PPP1R26: variants seen among roughly 807,000 people sequenced by gnomAD.
PPP1R26 encodes 1A6/DRIM (down-regulated in metastasis) interacting protein.
PPP1R26 carries 22 observed loss-of-function variants against 67.6 expected under a neutral mutation model. The ratio of observed to expected loss-of-function variants is 0.33; its 90% CI spans 0.23 to 0.46. The LOEUF (loss-of-function observed/expected upper bound fraction) is 0.46, where lower values mean the gene tolerates loss of function less well. Among genes scored for constraint, PPP1R26 ranks in the 20% least tolerant of loss-of-function variants. The pLI is 1.00. For missense variants in PPP1R26, 1,602 were observed against 1,651.4 expected (o/e 0.97, Z 0.52); for synonymous variants, 729 against 717.2 (o/e 1.02, Z -0.26).
In PPP1R26 at chr9:135,487,992, C is replaced by G. The variant is rs767681225; in HGVS notation, c.3482C>G (p.Ser1161Trp). 7.5e-6 allele frequency: 12 copies of G among 1,609,996 alleles called. No individual in the cohort carries two copies. Among genetic ancestry groups the G allele is most frequent in the Non-Finnish European group, 1.0e-5 (12 of 1,178,466 alleles). Residue 1161 changes from serine (S) to tryptophan (W), a missense_variant, in exon 4 of 4, where the codon TCG becomes TGG. Physicochemically the swap from Ser to Trp is radical, Grantham distance 177. Transcript: ENST00000356818. Reference protein sequence around the residue: ...AGLSLHDRRSSGSEESILDLR... With the variant: ...AGLSLHDRRSWGSEESILDLR... ...CTGAGTTTGCATGACAGGAGGAGCTCGGGCTCGGAGGAAAGCATTTTAGAC... is the reference window on the plus strand; with the variant it reads ...CTGAGTTTGCATGACAGGAGGAGCTGGGGCTCGGAGGAAAGCATTTTAGAC...
chr9:135,485,976 A>C lies in PPP1R26; in HGVS notation c.1466A>C (p.Asp489Ala). ...AELMCAEAIL[D>A]ISKTILPAPV... ...CTGATGTGTGCAGAAGCAATCCTGG[A>C]CATCTCCAAGACGATCCTGCCGGCC... The change falls in exon 4 of 4, where the codon GAC (aspartate) becomes GCC (alanine). Residue 489 changes from aspartate (D) to alanine (A), a missense_variant. Asp to Ala is a moderately radical substitution (Grantham distance 126). Transcript: ENST00000356818. This position sits in a 1 kb window ranked among gnomAD's most constrained non-coding sequence, Gnocchi z 7.2. The C allele has an allele frequency of 6.2e-7, 1 of 1,613,216 alleles. No homozygotes were observed. The highest frequency in any genetic ancestry group is 8.5e-7 in the Non-Finnish European group (1 of 1,180,004).
rs1336379582 is a variant in PPP1R26 at position 135,485,745 on chromosome 9, A to G, written c.1235A>G (p.Lys412Arg). Residue 412 changes from lysine to arginine, a missense_variant, in exon 4 of 4, where the codon AAA (lysine) becomes AGA (arginine). Transcript: ENST00000356818. This position sits in a 1 kb window ranked among gnomAD's most constrained non-coding sequence, Gnocchi z 7.2. ...GCACACAGCACAAGCAGTGCCACAA[A>G]AAGTGCCTTGCCCGAGACCCACAGG... is the stretch of plus-strand genomic sequence containing the variant. ...PPAHSTSSAT[K>R]SALPETHRKT... 1 of 1,610,802 alleles carries G rather than the reference A, an allele frequency of 6.2e-7. No individual in the cohort carries two copies. The highest frequency in any genetic ancestry group is 8.5e-7 in the Non-Finnish European group (1 of 1,179,978).
chr9:135,487,537 C>G lies in PPP1R26; in HGVS notation c.3027C>G (p.Pro1009=), dbSNP rs773025937. ...GCGGGAGCCCGAGCTTCCTGACCCCCAGCCCGGGAGCGGAGAGGGACGCTG... is the reference window on the plus strand; with the variant it reads ...GCGGGAGCCCGAGCTTCCTGACCCCGAGCCCGGGAGCGGAGAGGGACGCTG... ...MGCGSPSFLT[P]SPGAERDAGA... The change falls in exon 4 of 4, where the codon CCC becomes CCG. Residue 1009 remains proline (P), a synonymous_variant. Coordinates refer to ENST00000356818, the MANE Select transcript of PPP1R26 (RefSeq NM_014811.5). The G allele has an allele frequency of 6.3e-7, 1 of 1,590,318 alleles. No individual in the cohort carries two copies.
rs552881547 is a variant in PPP1R26, at chr9:135,487,712, C to T, written c.3202C>T (p.Arg1068Trp). ...ERDKGSEGPA[R>W]GLPSLPLAGF... ...AGACAAGGGGTCCGAGGGCCCCGCCCGGGGCCTGCCCAGCCTGCCCCTTGC... is the reference window on the plus strand; with the variant it reads ...AGACAAGGGGTCCGAGGGCCCCGCCTGGGGCCTGCCCAGCCTGCCCCTTGC... Residue 1068 changes from arginine to tryptophan, a missense_variant, in exon 4 of 4, where the codon CGG (arginine) becomes TGG (tryptophan). This residue lies in a region of PPP1R26 where 740 missense variants were observed against 696.3 expected (regional missense o/e 1.06). Coordinates refer to ENST00000356818, the MANE Select transcript of PPP1R26 (RefSeq NM_014811.5). 100 of 1,450,852 alleles carry T rather than the reference C, an allele frequency of 6.9e-5. 1 individual carries two copies. The East Asian group carries it at 1.6e-3, about 23-fold the overall frequency. 89.9% of individuals were successfully genotyped at this position (1,450,852 alleles called of 1,614,324 possible).
Position 135,485,005 on chromosome 9 carries a change from C to T in PPP1R26, c.495C>T (p.Ala165=), listed in dbSNP as rs773731543. The change falls in exon 4 of 4, where the codon GCC becomes GCT. Residue 165 remains alanine, a synonymous_variant. Coordinates refer to ENST00000356818, the MANE Select transcript of PPP1R26 (RefSeq NM_014811.5). This position sits in a 1 kb window ranked among gnomAD's most constrained non-coding sequence, Gnocchi z 7.2. The part of the protein sequence containing the change: ...AQPGAAQPSR[A]AGGGSRCKPE... ...CAGGTGCAGCCCAGCCTTCCAGGGC[C>T]GCAGGCGGAGGCAGTAGATGTAAGC... The T allele has an allele frequency of 1.0e-5, 16 of 1,586,040 alleles. No individual in the cohort carries two copies. In the Admixed American group the frequency reaches 1.4e-4, roughly 14 times the overall value.
rs910126651 is a variant in PPP1R26 at position 135,487,626 on chromosome 9, C to T, written c.3116C>T (p.Pro1039Leu). ...DFAHQSRLPS[P>L]WVLRSEGRDA... The stretch of plus-strand genomic sequence containing the variant: ...GCCCACCAGAGTCGGCTGCCCAGCC[C>T]GTGGGTGCTGCGCTCCGAAGGCAGA... The change falls in exon 4 of 4, where the codon CCG (proline) becomes CTG (leucine). Residue 1039 changes from proline to leucine, a missense_variant. By Grantham distance (98) the Pro-to-Leu change is moderately conservative. Transcript: ENST00000356818. 6.7e-6 allele frequency: 10 copies of T among 1,482,496 alleles called. No individual in the cohort carries two copies. Among genetic ancestry groups the T allele is most frequent in the African/African-American group, 5.6e-5 (4 of 71,140 alleles). 91.8% of individuals were successfully genotyped at this position (1,482,496 alleles called of 1,614,324 possible). A position where few individuals can be genotyped will look rare whatever the true frequency, so the allele number is the denominator to read the frequency against.
rs1422633524 is a variant in PPP1R26, at chr9:135,484,694, G to A, written c.184G>A (p.Gly62Ser). The part of the protein sequence containing the change: ...STLQRDGAAR[G>S]TSDERAAQRG... ...TCTGCAGCGCGACGGGGCTGCTCGG[G>A]GCACCAGCGATGAGCGCGCCGCACA... The change falls in exon 4 of 4, where the codon GGC becomes AGC. Residue 62 changes from glycine to serine, a missense_variant. Gly to Ser is a moderately conservative substitution (Grantham distance 56). Around this residue, in one of 5 missense-constraint regions of PPP1R26, gnomAD observed 168 missense variants for 176.1 expected, o/e 0.95. Coordinates refer to ENST00000356818, the MANE Select transcript of PPP1R26 (RefSeq NM_014811.5). 4 of 1,610,082 alleles carry A rather than the reference G, an allele frequency of 2.5e-6. No individual in the cohort carries two copies. In the African/African-American group the frequency reaches 4.0e-5, roughly 16 times the overall value.
In PPP1R26 at chr9:135,488,257, G is replaced by A. The variant is rs1361154242; in HGVS notation, c.*117G>A. 1 of 1,326,360 alleles carries A rather than the reference G, an allele frequency of 7.5e-7. No homozygotes were observed. The highest frequency in any genetic ancestry group is 9.7e-7 in the Non-Finnish European group (1 of 1,031,170). 82.2% of individuals were successfully genotyped at this position (1,326,360 alleles called of 1,614,324 possible). A position where few individuals can be genotyped will look rare whatever the true frequency, so the allele number is the denominator to read the frequency against. ...GAAGGGAAACAGTCTATTATACATAGCCCTGTATATATGTACACCAACATG... is the reference window on the plus strand; with the variant it reads ...GAAGGGAAACAGTCTATTATACATAACCCTGTATATATGTACACCAACATG... On this transcript the variant is annotated 3_prime_UTR_variant, in exon 4 of 4. Coordinates refer to ENST00000356818, the MANE Select transcript of PPP1R26 (RefSeq NM_014811.5).
In PPP1R26 at chr9:135,487,558, C is replaced by T. The variant is rs367868692; in HGVS notation, c.3048C>T (p.Asp1016=). Residue 1016 remains aspartate, a synonymous_variant, in exon 4 of 4, where the codon GAC becomes GAT. Coordinates refer to ENST00000356818, the MANE Select transcript of PPP1R26 (RefSeq NM_014811.5). ...FLTPSPGAER[D]AGAQADRTPP... ...CCCCCAGCCCGGGAGCGGAGAGGGA[C>T]GCTGGAGCCCAGGCCGACCGCACAC... 5,674 of 1,561,880 alleles carry T rather than the reference C, an allele frequency of 3.6e-3. 14 individuals are homozygous for T. The highest frequency in any genetic ancestry group is 4.6e-3 in the Non-Finnish European group (5,318 of 1,155,580).
At position 135,488,354 on chromosome 9, in the gene PPP1R26, G is replaced by A; in HGVS notation, c.*214G>A. 1.0e-6 allele frequency: 1 copy of A among 959,510 alleles called. No homozygotes were observed. Among genetic ancestry groups the A allele is most frequent in the Non-Finnish European group, 1.4e-6 (1 of 730,154 alleles). The allele number at this position is 959,510 out of a possible 1,614,324, so 59.4% of individuals were successfully genotyped here. A position where few individuals can be genotyped will look rare whatever the true frequency, so the allele number is the denominator to read the frequency against. On this transcript the variant is annotated 3_prime_UTR_variant, in exon 4 of 4. Coordinates refer to ENST00000356818, the MANE Select transcript of PPP1R26 (RefSeq NM_014811.5). ...CTTTTTGTAAATTATTTAAAGTGAT[G>A]TAAAAGATATTTTTGGAAAATACTG...
At position 135,486,945 on chromosome 9, in the gene PPP1R26, G is replaced by T. The variant is rs1388038794; in HGVS notation, c.2435G>T (p.Arg812Met). 1 of 1,612,902 alleles carries T rather than the reference G, an allele frequency of 6.2e-7. No individual in the cohort carries two copies. The highest frequency in any genetic ancestry group is 8.5e-7 in the Non-Finnish European group (1 of 1,180,034). ...ASASEGNPFP[R>M]ESQGPAPSPG... is the part of the protein sequence containing the mutation. ...GCCTCCGAAGGGAATCCATTCCCCA[G>T]GGAGTCCCAGGGCCCAGCTCCCAGC... Residue 812 changes from arginine to methionine, a missense_variant, in exon 4 of 4, where the codon AGG (arginine) becomes ATG (methionine). By Grantham distance (91) the Arg-to-Met change is moderately conservative. Transcript: ENST00000356818. This position sits in a 1 kb window ranked among gnomAD's most constrained non-coding sequence, Gnocchi z 6.2.
At position 135,486,860 on chromosome 9, in the gene PPP1R26, G is replaced by T; in HGVS notation, c.2350G>T (p.Gly784Cys). Residue 784 changes from glycine to cysteine, a missense_variant, in exon 4 of 4, where the codon GGT (glycine) becomes TGT (cysteine). This residue lies in a region of PPP1R26 where 740 missense variants were observed against 696.3 expected (regional missense o/e 1.06). Transcript: ENST00000356818. This position sits in a 1 kb window ranked among gnomAD's most constrained non-coding sequence, Gnocchi z 6.2. Reference protein sequence around the residue: ...GSTAERMRQEGAASQDAALAF... With the variant: ...GSTAERMRQECAASQDAALAF... ...CACGGCAGAGAGGATGAGGCAGGAG[G>T]GTGCCGCGAGCCAGGACGCGGCCCT... is the stretch of plus-strand genomic sequence containing the variant. 6.2e-7 allele frequency: 1 copy of T among 1,611,678 alleles called. No homozygotes were observed. The highest frequency in any genetic ancestry group is 8.5e-7 in the Non-Finnish European group (1 of 1,179,516).
At chr9:135,480,592 C>A (rs1313897325) in intron 1 of PPP1R26, 1 of 152,286 alleles carries the variant, frequency 6.6e-6, no homozygotes, top group Non-Finnish European at 1.5e-5. Context: ...CCTTGGGGGA[C>A]CCTGCCCAGC....
rs1490727053 is a variant in PPP1R26 at position 135,488,387 on chromosome 9, A to G, written c.*247A>G. On this transcript the variant is annotated 3_prime_UTR_variant, in exon 4 of 4. Transcript: ENST00000356818. ...TATTTTTGGAAAATACTGTTGTTCAATTTTGTAGGGTGTTCCTAACTGCAG... is the reference window on the plus strand; with the variant it reads ...TATTTTTGGAAAATACTGTTGTTCAGTTTTGTAGGGTGTTCCTAACTGCAG... 1.7e-6 allele frequency: 1 copy of G among 592,256 alleles called. No homozygotes were observed. The highest frequency in any genetic ancestry group is 8.8e-5 in the South Asian group (1 of 11,326). The allele number at this position is 592,256 out of a possible 1,614,324, so 36.7% of individuals were successfully genotyped here.
At position 135,484,831 on chromosome 9, in the gene PPP1R26, C is replaced by T. The variant is rs1353474954; in HGVS notation, c.321C>T (p.Pro107=). The T allele has an allele frequency of 6.2e-7, 1 of 1,610,544 alleles. No homozygotes were observed. Among genetic ancestry groups the T allele is most frequent in the African/African-American group, 1.3e-5 (1 of 74,994 alleles). The change falls in exon 4 of 4, where the codon CCC becomes CCT. Residue 107 remains proline (P), a synonymous_variant. Coordinates refer to ENST00000356818, the MANE Select transcript of PPP1R26 (RefSeq NM_014811.5). ...GTGGTCTCGTTGCTGACTTTGACCC[C>T]ATGGGGGAGGAGGAAACTACAGACT... The part of the protein sequence containing the change: ...AVCGLVADFD[P]MGEEETTDFG...
rs142362943 is a variant in PPP1R26, at chr9:135,485,666, G to A, written c.1156G>A (p.Gly386Arg). ...GCAGAAAACACGCAAGGAGGCCGAC[G>A]GGGACCTGCCCCAGAGGGTCCAACT... ...QLQKTRKEAD[G>R]DLPQRVQLRE... The change falls in exon 4 of 4, where the codon GGG (glycine) becomes AGG (arginine). Residue 386 changes from glycine (G) to arginine (R), a missense_variant. Around this residue, in one of 5 missense-constraint regions of PPP1R26, gnomAD observed 680 missense variants for 726.1 expected, o/e 0.94. Transcript: ENST00000356818. The surrounding 1 kb of genome is among the most constrained non-coding windows in gnomAD (Gnocchi z 7.2). 2.6e-5 allele frequency: 42 copies of A among 1,611,750 alleles called. No individual in the cohort carries two copies. The highest frequency in any genetic ancestry group is 1.3e-4 in the African/African-American group (10 of 74,896).
Position 135,488,153 on chromosome 9 carries a change from T to G in PPP1R26, c.*13T>G. ...AGTGAAGGTCTAAGCCCTCGAGCTGTGGGTTCGCGTCCTGGGTTGCGTGCA... is the reference window on the plus strand; with the variant it reads ...AGTGAAGGTCTAAGCCCTCGAGCTGGGGGTTCGCGTCCTGGGTTGCGTGCA... On this transcript the variant is annotated 3_prime_UTR_variant, in exon 4 of 4. Transcript: ENST00000356818. The G allele has an allele frequency of 6.7e-7, 1 of 1,496,570 alleles. No individual in the cohort carries two copies. Among genetic ancestry groups the G allele is most frequent in the Non-Finnish European group, 8.9e-7 (1 of 1,124,438 alleles). 92.7% of individuals were successfully genotyped at this position (1,496,570 alleles called of 1,614,324 possible). A position where few individuals can be genotyped will look rare whatever the true frequency, so the allele number is the denominator to read the frequency against.
Position 135,485,999 on chromosome 9 carries a change from G to A in PPP1R26, c.1489G>A (p.Ala497Thr). The change falls in exon 4 of 4, where the codon GCC (alanine) becomes ACC (threonine). Residue 497 changes from alanine (A) to threonine (T), a missense_variant. Transcript: ENST00000356818. The surrounding 1 kb of genome is among the most constrained non-coding windows in gnomAD (Gnocchi z 7.2). ...GGACATCTCCAAGACGATCCTGCCG[G>A]CCCCTGTAGAGGGCAGTGACGGGTC... The part of the protein sequence containing the change: ...ILDISKTILP[A>T]PVEGSDGSLS... 1 of 1,613,162 alleles carries A rather than the reference G, an allele frequency of 6.2e-7. No homozygotes were observed. The highest frequency in any genetic ancestry group is 8.5e-7 in the Non-Finnish European group (1 of 1,180,026).
chr9:135,481,760 G>A (rs1256404466), intron 1 of PPP1R26, among the ~76,000 whole-genome samples: 3 of 150,782 alleles, frequency 2.0e-5, no homozygotes, highest in Admixed American at 6.6e-5. Flanking sequence ...CTGGGATTAC[G>A]GGCACACGCC....
Sources: allele counts gnomAD v4.1 joint callset (sites outside exome capture counted in the v4.1 genomes callset), GRCh38; gene constraint gnomAD v4.1.1; regional missense constraint gnomAD v4.1.1; non-coding constraint Gnocchi (gnomAD v3.1); transcripts MANE v1.5; gene names NCBI Gene and HGNC (gene_info 2026-07-23, HGNC 2026-07-21).